The following LRTM1 variants were observed in gnomAD, a reference collection of about 807,000 sequenced individuals.
The protein encoded by LRTM1 is leucine rich repeat transmembrane protein 1, also known as leucine-rich repeat and transmembrane domain-containing protein 1.
Under a neutral mutation model 32.4 loss-of-function variants are expected in LRTM1, and 38 were observed. The observed-to-expected ratio is 1.17, with a 90% CI of 0.91 to 1.54. The LOEUF is 1.54. Ranked by LOEUF, LRTM1 falls within the 40% of genes most tolerant of loss-of-function variation. The pLI is 0.00. For synonymous variants in LRTM1, 186 were observed against 169.9 expected (o/e 1.09, Z -0.74); for missense variants, 466 against 415.4 (o/e 1.12, Z -1.06).
At chr3:54,962,431 A>G (rs1702052197) in intron 1 of LRTM1, among the ~76,000 whole-genome samples, 1 of 152,344 alleles carries the variant, frequency 6.6e-6, no homozygotes. Context: ...CATATTAGCC[A>G]TGAAACATAA....
intron 1 of LRTM1, among the ~76,000 whole-genome samples, chr3:54,962,269 T>C (rs1051207783): frequency 6.6e-6 from 1 of 152,172 alleles, no homozygotes; most frequent in Admixed American, 6.5e-5. Context: ...GGAAAAAGAT[T>C]AATTCTCTAA....
intron 1 of LRTM1, among the ~76,000 whole-genome samples, chr3:54,964,542 C>T (rs904641107): frequency 2.0e-5 from 3 of 151,952 alleles, no homozygotes; most frequent in African/African-American, 7.3e-5. Context: ...GCTGAAAGAA[C>T]AAAATAGACG....
At chr3:54,944,850 C>G (rs1268950970) in intron 1 of LRTM1, among the ~76,000 whole-genome samples, 10 of 151,636 alleles carry the variant, frequency 6.6e-5, no homozygotes, top group Non-Finnish European at 1.5e-4. Flanking sequence ...TGTTTGCTGT[C>G]TCTGCTGTAA....
At chr3:54,961,977 G>A (rs756876976) in intron 1 of LRTM1, among the ~76,000 whole-genome samples, 11 of 152,236 alleles carry the variant, frequency 7.2e-5, no homozygotes, top group South Asian at 2.1e-4. Flanking sequence ...GCATGGCATC[G>A]TGAGGGGACT....
Position 54,924,807 on chromosome 3 carries a change from G to T in LRTM1, c.416C>A (p.Thr139Lys). Reference protein sequence around the residue: ...LSSNNISHLPTSLGETWENLT... With the variant: ...LSSNNISHLPKSLGETWENLT... ...GTTCTCCCAAGTCTCTCCCAAGGAT[G>T]TGGGAAGGTGGCTTATGTTGTTTGA... Residue 139 changes from threonine (T) to lysine (K), a missense_variant, in exon 2 of 3, where the codon ACA (threonine) becomes AAA (lysine). Coordinates refer to ENST00000273286, the MANE Select transcript of LRTM1 (RefSeq NM_020678.4). 6.2e-7 allele frequency: 1 copy of T among 1,614,112 alleles called. No individual in the cohort carries two copies. Among genetic ancestry groups the T allele is most frequent in the South Asian group, 1.1e-5 (1 of 91,074 alleles).
intron 1 of LRTM1, among the ~76,000 whole-genome samples, chr3:54,953,753 C>T (rs956748272): frequency 1.3e-5 from 2 of 152,164 alleles, no homozygotes; most frequent in African/African-American, 2.4e-5. Flanking sequence ...CCTCTGCTAG[C>T]TTGACAGGCT....
intron 1 of LRTM1, among the ~76,000 whole-genome samples, chr3:54,956,750 C>T (rs938768230): frequency 3.3e-5 from 5 of 152,088 alleles, no homozygotes; most frequent in Non-Finnish European, 7.4e-5. Context: ...GAAGACAGAA[C>T]CCATTTGAAT....
chr3:54,947,596 G>A (rs1471794364), intron 1 of LRTM1, among the ~76,000 whole-genome samples: 2 of 152,212 alleles, frequency 1.3e-5, no homozygotes, highest in East Asian at 1.9e-4. Flanking sequence ...GATGCCCTGG[G>A]AATAGGCCTG....
chr3:54,941,854 C>T (rs1701475867), intron 1 of LRTM1, among the ~76,000 whole-genome samples: 1 of 152,166 alleles, frequency 6.6e-6, no homozygotes, highest in African/African-American at 2.4e-5. Flanking sequence ...CCCTGCCACA[C>T]AGTTCTGCAG....
chr3:54,940,978 T>G (rs1701451450), intron 1 of LRTM1, among the ~76,000 whole-genome samples: 1 of 152,196 alleles, frequency 6.6e-6, no homozygotes, highest in Non-Finnish European at 1.5e-5. Context: ...GGAGATTATT[T>G]CATAGATTTA....
chr3:54,928,152 G>C, upstream of LRTM1: 1 of 523,232 alleles, frequency 1.9e-6, no homozygotes, highest in Non-Finnish European at 3.4e-6. Flanking sequence ...TCTTGGGATC[G>C]TGCCCCTCTT....
upstream of LRTM1, among the ~76,000 whole-genome samples, chr3:54,931,757 T>A (rs535488027): frequency 1.3e-4 from 20 of 152,324 alleles, no homozygotes; most frequent in Admixed American, 7.8e-4. Context: ...TTTTCTAATA[T>A]GTTAGTCTAT....
chr3:54,924,926 G>A lies in LRTM1; in HGVS notation c.297C>T (p.His99=), dbSNP rs772802954. Residue 99 remains histidine (H), a synonymous_variant, in exon 2 of 3, where the codon CAC becomes CAT. Coordinates refer to ENST00000273286, the MANE Select transcript of LRTM1 (RefSeq NM_020678.4). ...TCTGGGTTAGATTTAAAACCTGCAA[G>A]TGCTGAAGCCCATGGAAAGCTCCAG... The part of the protein sequence containing the change: ...LAPGAFHGLQ[H]LQVLNLTQNS... The A allele has an allele frequency of 6.2e-7, 1 of 1,612,932 alleles. No homozygotes were observed. Among genetic ancestry groups the A allele is most frequent in the Non-Finnish European group, 8.5e-7 (1 of 1,178,944 alleles).
intron 1 of LRTM1, among the ~76,000 whole-genome samples, chr3:54,957,166 CTTTT>C (rs57778359): frequency 6.7e-6 from 1 of 148,742 alleles, no homozygotes; most frequent in Non-Finnish European, 1.5e-5. Flanking sequence ...AAATAATTTT[CTTTT>C]TTTTTTTTTT....
chr3:54,922,681 T>C (rs1700888274), intron 2 of LRTM1, among the ~76,000 whole-genome samples: 1 of 152,104 alleles, frequency 6.6e-6, no homozygotes, highest in Non-Finnish European at 1.5e-5. Context: ...TGTCTGTAGC[T>C]CCAACATCTT....
chr3:54,920,824 G>C (rs1193156362), intron 2 of LRTM1, among the ~76,000 whole-genome samples: 1 of 152,164 alleles, frequency 6.6e-6, no homozygotes, highest in East Asian at 1.9e-4. Context: ...GACTAGGGTG[G>C]TTTACCCAAT....
intron 1 of LRTM1, among the ~76,000 whole-genome samples, chr3:54,952,938 CA>C (rs1436747237): frequency 6.6e-6 from 1 of 152,162 alleles, no homozygotes; most frequent in African/African-American, 2.4e-5. Flanking sequence ...GGAAACTTTT[CA>C]TAGGGATTTG....
chr3:54,950,461 A>T (rs922120601), intron 1 of LRTM1, among the ~76,000 whole-genome samples: 21 of 152,092 alleles, frequency 1.4e-4, no homozygotes, highest in Admixed American at 1.1e-3. Flanking sequence ...TTCCCTCTTC[A>T]TCTTGCAAGG....
rs776613792 is a variant in LRTM1, at chr3:54,925,048, C to G, written c.175G>C (p.Asp59His). The change falls in exon 2 of 3, where the codon GAT (aspartate) becomes CAT (histidine). Residue 59 changes from aspartate to histidine, a missense_variant. Coordinates refer to ENST00000273286, the MANE Select transcript of LRTM1 (RefSeq NM_020678.4). ...PPQTRTLHLQ[D>H]NQIHHLPAFA... ...GCAGGAAGATGGTGTATCTGATTAT[C>G]TTGTAAATGCAGCGTTCGAGTCTGA... The G allele has an allele frequency of 4.3e-6, 7 of 1,613,994 alleles. No individual in the cohort carries two copies. In the Admixed American group the frequency reaches 8.3e-5, roughly 19 times the overall value.
Sources: gnomAD v4.1 joint callset for allele counts (sites outside exome capture counted in the v4.1 genomes callset) on GRCh38, gnomAD v4.1.1 for gene constraint, MANE v1.5 for transcripts, NCBI Gene and HGNC (gene_info 2026-07-23, HGNC 2026-07-21) for gene names.